Variants in CACUL1 observed in about 807,000 individuals in gnomAD.
CACUL1 encodes the protein CDK2 associated cullin domain 1.
Under a neutral mutation model 45.2 loss-of-function variants are expected in CACUL1, and 13 were observed. The ratio of observed to expected loss-of-function variants is 0.29; its 90% CI spans 0.19 to 0.46. CACUL1 has a LOEUF of 0.46. Ranked by LOEUF, CACUL1 falls within the 20% of genes least tolerant of loss-of-function variation. The pLI is 1.00. For missense variants in CACUL1, 421 were observed against 471.4 expected, an observed-to-expected ratio of 0.89 and a Z score of 0.99; for synonymous variants, 197 against 174.2, an observed-to-expected ratio of 1.13 and a Z score of -1.03.
In CACUL1 at chr10:118,679,817, C is replaced by T. The variant is rs1845136195; in HGVS notation, c.*6311G>A. 6.6e-6 allele frequency: 1 copy of T among 152,010 alleles called. No homozygotes were observed. Among genetic ancestry groups the T allele is most frequent in the Non-Finnish European group, 1.5e-5 (1 of 68,050 alleles). 9.4% of individuals were successfully genotyped at this position (152,010 alleles called of 1,614,324 possible). A position where few individuals can be genotyped will look rare whatever the true frequency, so the allele number is the denominator to read the frequency against. On this transcript the variant is annotated 3_prime_UTR_variant, in exon 9 of 9. Transcript: ENST00000369151. ...TACAGGCGTGAGCCACCATGCTCGG[C>T]CCTAATTTAAAAAATTTTTTTGTAG...
intron 3 of CACUL1, among the ~76,000 whole-genome samples, chr10:118,723,106 T>C (rs986701723): frequency 6.6e-6 from 1 of 152,212 alleles, no homozygotes; most frequent in Non-Finnish European, 1.5e-5. Context: ...TAGTGCTTAG[T>C]CTTTAACATT....
intron 5 of CACUL1, among the ~76,000 whole-genome samples, chr10:118,697,460 A>C (rs1418341348): frequency 6.6e-6 from 1 of 152,252 alleles, no homozygotes; most frequent in African/African-American, 2.4e-5. Context: ...ACTAGAATAG[A>C]TAACTTCTAA....
At position 118,682,739 on chromosome 10, in the gene CACUL1, G is replaced by C. The variant is rs904167661; in HGVS notation, c.*3389C>G. 3 of 152,680 alleles carry C rather than the reference G, an allele frequency of 2.0e-5. No homozygotes were observed. The highest frequency in any genetic ancestry group is 6.5e-5 in the Admixed American group (1 of 15,290). The allele number at this position is 152,680 out of a possible 1,614,324, so 9.5% of individuals were successfully genotyped here. ...CCCGACAGCATGGCACGCAGCCAGGGAGTGGTAGCTGCACAGTGTGAGCAC... is the reference window on the plus strand; with the variant it reads ...CCCGACAGCATGGCACGCAGCCAGGCAGTGGTAGCTGCACAGTGTGAGCAC... On this transcript the variant is annotated 3_prime_UTR_variant, in exon 9 of 9. Coordinates refer to ENST00000369151, the MANE Select transcript of CACUL1 (RefSeq NM_153810.5).
chr10:118,690,257 C>T lies in CACUL1; in HGVS notation c.1025+1008G>A, dbSNP rs1359743654. 9.3e-5 allele frequency among the ~76,000 whole-genome samples: 13 copies of T among 139,150 alleles called. 1 individual carries two copies. The South Asian group carries it at 2.5e-3, about 27-fold the overall frequency. The allele number at this position is 139,150 out of a possible 152,430, so 91.3% of individuals were successfully genotyped here. A position where few individuals can be genotyped will look rare whatever the true frequency, so the allele number is the denominator to read the frequency against. On this transcript the variant is annotated intron_variant, in intron 7 of 8. Coordinates refer to ENST00000369151, the MANE Select transcript of CACUL1 (RefSeq NM_153810.5). ...CGGAGCTTGCAGTGAGCCGAGATTG[C>T]GCCACTGCAGTCCGCAGTCCGGCCT... is the stretch of plus-strand genomic sequence containing the variant.
chr10:118,730,084 T>G (rs1260296845), intron 2 of CACUL1, among the ~76,000 whole-genome samples, 200 bp downstream of exon 2: 1 of 152,188 alleles, frequency 6.6e-6, no homozygotes, highest in East Asian at 1.9e-4. Context: ...GGTGGCAGGC[T>G]TCCTCTGTCA....
intron 3 of CACUL1, among the ~76,000 whole-genome samples, chr10:118,716,064 C>A (rs1213731610): frequency 1.3e-5 from 2 of 152,092 alleles, no homozygotes; most frequent in Admixed American, 1.3e-4. Flanking sequence ...AACCCCGTCT[C>A]TACTAAAAAT....
intron 7 of CACUL1, among the ~76,000 whole-genome samples, chr10:118,689,968 G>GA (rs1479495893): frequency 6.6e-6 from 1 of 152,050 alleles, no homozygotes; most frequent in Non-Finnish European, 1.5e-5. Context: ...GGTAAGCCTA[G>GA]AAAAAAACCT....
intron 1 of CACUL1, among the ~76,000 whole-genome samples, chr10:118,740,843 G>A (rs1272560366): frequency 1.4e-5 from 2 of 147,632 alleles, no homozygotes; most frequent in African/African-American, 2.5e-5. Flanking sequence ...GGAGAATAGC[G>A]TGAACCCGGG....
chr10:118,712,781 C>A (rs1280503260), intron 3 of CACUL1, among the ~76,000 whole-genome samples: 1 of 152,210 alleles, frequency 6.6e-6, no homozygotes, highest in Non-Finnish European at 1.5e-5. Context: ...ATCTCAACAA[C>A]TGTTCAACTC....
At position 118,682,495 on chromosome 10, in the gene CACUL1, A is replaced by G. The variant is rs1564825923; in HGVS notation, c.*3633T>C. ...AAAAGAGATTAACCAGGATTATTTA[A>G]ATACTATAATACAAGTGCTCCTGCT... On this transcript the variant is annotated 3_prime_UTR_variant, in exon 9 of 9. Transcript: ENST00000369151. 6.6e-6 allele frequency: 1 copy of G among 152,666 alleles called. No homozygotes were observed. Among genetic ancestry groups the G allele is most frequent in the Non-Finnish European group, 1.5e-5 (1 of 68,038 alleles). The allele number at this position is 152,666 out of a possible 1,614,324, so 9.5% of individuals were successfully genotyped here.
At position 118,680,476 on chromosome 10, in the gene CACUL1, G is replaced by A. The variant is rs1845142161; in HGVS notation, c.*5652C>T. On this transcript the variant is annotated 3_prime_UTR_variant, in exon 9 of 9. Coordinates refer to ENST00000369151, the MANE Select transcript of CACUL1 (RefSeq NM_153810.5). ...GAACTGGCATTCTGACAATACTGTAGGAAAGGACACCTCTACAGAGATAGC... is the reference window on the plus strand; with the variant it reads ...GAACTGGCATTCTGACAATACTGTAAGAAAGGACACCTCTACAGAGATAGC... 6.6e-6 allele frequency: 1 copy of A among 152,100 alleles called. No homozygotes were observed. The highest frequency in any genetic ancestry group is 2.1e-4 in the South Asian group (1 of 4,820). The allele number at this position is 152,100 out of a possible 1,614,324, so 9.4% of individuals were successfully genotyped here.
At chr10:118,744,214 C>T (rs1265547265) in intron 1 of CACUL1, among the ~76,000 whole-genome samples, 1 of 152,140 alleles carries the variant, frequency 6.6e-6, no homozygotes, top group African/African-American at 2.4e-5. Context: ...GGCAGAAACC[C>T]CGTCTCTACT....
chr10:118,741,540 C>T (rs2119667998), intron 1 of CACUL1, among the ~76,000 whole-genome samples: 1 of 152,246 alleles, frequency 6.6e-6, no homozygotes, highest in Admixed American at 6.5e-5. Flanking sequence ...CTGACAGCTA[C>T]CCGTCATCCA....
At chr10:118,686,793 A>T in intron 7 of CACUL1, 152 bp from the exon 8 acceptor site, 1 of 636,734 alleles carries the variant, frequency 1.6e-6, no homozygotes. Context: ...ATCCTGATGT[A>T]CCTCACTATG....
At chr10:118,686,451 T>G in intron 8 of CACUL1, 147 bp downstream of exon 8, 1 of 724,154 alleles carries the variant, frequency 1.4e-6, no homozygotes, top group Non-Finnish European at 2.4e-6. Context: ...TGCCACAGCA[T>G]GCAAAGCATC....
chr10:118,704,155 C>T (rs781160531), intron 4 of CACUL1, among the ~76,000 whole-genome samples: 10 of 151,288 alleles, frequency 6.6e-5, no homozygotes, highest in Non-Finnish European at 1.0e-4. Flanking sequence ...TTTTGGGAGG[C>T]CAAGGTGGAT....
Position 118,754,927 on chromosome 10 carries a change from T to A in CACUL1, c.-165A>T, listed in dbSNP as rs1845943108. ...GTCTCTCGCTCTCCGCGGGGCCGAC[T>A]AGCTTGAAGACGCGGCTGACGGCGG... is the stretch of plus-strand genomic sequence containing the variant. On this transcript the variant is annotated 5_prime_UTR_variant, in exon 1 of 9. Transcript: ENST00000369151. 2.1e-6 allele frequency: 2 copies of A among 943,330 alleles called. No homozygotes were observed. Among genetic ancestry groups the A allele is most frequent in the South Asian group, 4.2e-5 (2 of 47,802 alleles). The allele number at this position is 943,330 out of a possible 1,614,324, so 58.4% of individuals were successfully genotyped here. A position where few individuals can be genotyped will look rare whatever the true frequency, so the allele number is the denominator to read the frequency against.
chr10:118,716,603 C>CTT, intron 3 of CACUL1, among the ~76,000 whole-genome samples: 2 of 109,466 alleles, frequency 1.8e-5, no homozygotes, highest in African/African-American at 2.8e-5. Flanking sequence ...ACAACACAAC[C>CTT]TCTTTTTTTT....
At chr10:118,699,705 C>T (rs1845358974) in intron 5 of CACUL1, among the ~76,000 whole-genome samples, 2 of 151,652 alleles carry the variant, frequency 1.3e-5, no homozygotes, top group African/African-American at 2.4e-5. Flanking sequence ...AGTGCAGTGA[C>T]GCGATCTCGG....
Sources: allele counts gnomAD v4.1 joint callset (sites outside exome capture counted in the v4.1 genomes callset), GRCh38; gene constraint gnomAD v4.1.1; transcripts MANE v1.5; gene names NCBI Gene and HGNC (gene_info 2026-07-23, HGNC 2026-07-21).